The following RAD51B variants were observed in gnomAD, a reference collection of about 807,000 sequenced individuals.
The protein encoded by RAD51B is DNA repair protein RAD51 homolog 2.
RAD51B carries 38 observed loss-of-function variants against 42.2 expected under a neutral mutation model. The observed-to-expected ratio is 0.90, with a 90% CI of 0.70 to 1.18. The LOEUF (loss-of-function observed/expected upper bound fraction) is 1.18, where lower values mean the gene tolerates loss of function less well. RAD51B is among the 50% of genes most tolerant of loss of function. RAD51B has a pLI of 0.00. For synonymous variants in RAD51B, 154 were observed against 145.2 expected (o/e 1.06, Z -0.43); for missense variants, 373 against 400.7 (o/e 0.93, Z 0.59).
At chr14:68,387,378 A>G (rs2083618193) in intron 8 of RAD51B, among the ~76,000 whole-genome samples, 2 of 152,348 alleles carry the variant, frequency 1.3e-5, no homozygotes, top group South Asian at 2.1e-4. Context: ...CTCAAAAGGG[A>G]TGTACAAATC....
intron 10 of RAD51B, among the ~76,000 whole-genome samples, chr14:68,608,736 C>T (rs1463669185): frequency 6.6e-6 from 1 of 152,164 alleles, no homozygotes; most frequent in Non-Finnish European, 1.5e-5. Context: ...ACAGAGCAGG[C>T]CCCCTTTGCC....
At chr14:68,045,973 A>T (rs2076292970) in intron 7 of RAD51B, among the ~76,000 whole-genome samples, 1 of 152,098 alleles carries the variant, frequency 6.6e-6, no homozygotes, top group Admixed American at 6.5e-5. Context: ...CATGGCAGCA[A>T]CAGCAACAGC....
chr14:68,087,135 C>CA (rs1347014384), intron 7 of RAD51B, among the ~76,000 whole-genome samples: 1,790 of 124,214 alleles, frequency 0.014, 32 homozygotes, highest in African/African-American at 0.043. Flanking sequence ...AACGCCATCT[C>CA]AAAAAAAAAA....
chr14:68,611,827 C>T (rs1891691279), downstream of RAD51B, among the ~76,000 whole-genome samples: 1 of 152,192 alleles, frequency 6.6e-6, no homozygotes, highest in Non-Finnish European at 1.5e-5. Context: ...TCCACGTTTG[C>T]TTTCCAGTCT....
intron 7 of RAD51B, among the ~76,000 whole-genome samples, chr14:68,162,322 A>G (rs890102780): frequency 7.2e-5 from 11 of 152,186 alleles, no homozygotes; most frequent in Admixed American, 1.3e-4. Flanking sequence ...AACTTCCCAG[A>G]CATAATTTTT....
chr14:68,179,324 T>A (rs916821600), intron 7 of RAD51B, among the ~76,000 whole-genome samples: 7 of 152,180 alleles, frequency 4.6e-5, no homozygotes, highest in Non-Finnish European at 1.0e-4. Context: ...CTGATTGGGA[T>A]AAAACACATT....
chr14:68,375,549 GC>G (rs2083350726), intron 8 of RAD51B, among the ~76,000 whole-genome samples: 1 of 152,118 alleles, frequency 6.6e-6, no homozygotes, highest in African/African-American at 2.4e-5. Flanking sequence ...TCCAGAGTAT[GC>G]CGTCCCTCAC....
intron 10 of RAD51B, among the ~76,000 whole-genome samples, chr14:68,485,031 G>A (rs779849657): frequency 6.6e-6 from 1 of 152,160 alleles, no homozygotes; most frequent in Non-Finnish European, 1.5e-5. Flanking sequence ...AACATCATTG[G>A]TCACTGGCTA....
At chr14:68,484,359 C>CTTTTTTTTTTTT (rs10665607) in intron 10 of RAD51B, among the ~76,000 whole-genome samples, 31 of 130,158 alleles carry the variant, frequency 2.4e-4, no homozygotes, top group African/African-American at 5.4e-4. Flanking sequence ...CTTTCTTTTT[C>CTTTTTTTTTTTT]TTTTTTTTTT....
intron 9 of RAD51B, among the ~76,000 whole-genome samples, chr14:68,448,775 T>C (rs2140179883): frequency 6.6e-6 from 1 of 152,254 alleles, no homozygotes; most frequent in South Asian, 2.1e-4. Context: ...TGATTGCTGA[T>C]GGAGAATGGC....
intron 11 of RAD51B, chr14:68,683,022 G>A: frequency 1.1e-6 from 1 of 926,326 alleles, no homozygotes; most frequent in Non-Finnish European, 1.3e-6. Context: ...CTGTCACAAA[G>A]GACCCCAGTT....
chr14:67,866,270 A>G (rs570975527), intron 5 of RAD51B, among the ~76,000 whole-genome samples: 3 of 152,388 alleles, frequency 2.0e-5, no homozygotes, highest in East Asian at 1.9e-4. Flanking sequence ...ATGGTTAAAA[A>G]AAAGAACAGA....
intron 8 of RAD51B, among the ~76,000 whole-genome samples, chr14:68,351,845 T>C (rs774387266): frequency 1.3e-5 from 2 of 152,150 alleles, no homozygotes; most frequent in Non-Finnish European, 2.9e-5. Flanking sequence ...ATTTGCTAGT[T>C]GGAAAGATCC....
At chr14:67,897,707 T>C (rs2043470645) in intron 7 of RAD51B, among the ~76,000 whole-genome samples, 2 of 151,710 alleles carry the variant, frequency 1.3e-5, no homozygotes, top group African/African-American at 4.8e-5. Context: ...TGGAGTGCAA[T>C]GGCGCCATCT....
intron 8 of RAD51B, among the ~76,000 whole-genome samples, chr14:68,324,137 A>G (rs752007486): frequency 2.6e-5 from 4 of 152,248 alleles, no homozygotes; most frequent in African/African-American, 9.6e-5. Context: ...TGCCTGGCAT[A>G]TTAATAAATG....
At chr14:68,545,597 A>G (rs1888183610) in intron 10 of RAD51B, 4 of 455,990 alleles carry the variant, frequency 8.8e-6, no homozygotes, top group African/African-American at 2.0e-5. Flanking sequence ...GGAAGGGGCC[A>G]TTGTAAAGAA....
intron 7 of RAD51B, among the ~76,000 whole-genome samples, chr14:67,888,941 A>G (rs2043140996): frequency 6.6e-6 from 1 of 152,146 alleles, no homozygotes; most frequent in Non-Finnish European, 1.5e-5. Flanking sequence ...TTCCGTGCAA[A>G]ATAAAATTCA....
intron 7 of RAD51B, among the ~76,000 whole-genome samples, chr14:67,905,889 C>A (rs1235460406): frequency 2.0e-5 from 3 of 152,070 alleles, no homozygotes; most frequent in South Asian, 2.1e-4. Context: ...TGTCTGGATG[C>A]CGTTTATTTC....
chr14:67,907,001 G>T (rs180801807), intron 7 of RAD51B, among the ~76,000 whole-genome samples: 5 of 152,102 alleles, frequency 3.3e-5, no homozygotes, highest in East Asian at 3.9e-4. Context: ...TAAAGACAGG[G>T]TTTCTCCATG....
Sources: allele counts gnomAD v4.1 joint callset (sites outside exome capture counted in the v4.1 genomes callset), GRCh38; gene constraint gnomAD v4.1.1; transcripts MANE v1.5; gene names NCBI Gene and HGNC (gene_info 2026-07-23, HGNC 2026-07-21).